The following TNN variants were observed in gnomAD, a reference collection of about 807,000 sequenced individuals.
The protein encoded by TNN is tenascin N, also known as tenascin-N.
Under a neutral mutation model 134.4 loss-of-function variants are expected in TNN, and 122 were observed. That is an observed-to-expected ratio of 0.91 (90% CI 0.78 to 1.06). The LOEUF (loss-of-function observed/expected upper bound fraction) is 1.06. Ranked by LOEUF, TNN falls within the 50% of genes least tolerant of loss-of-function variation. The pLI is 0.00. For synonymous variants in TNN, 710 were observed against 670.3 expected (o/e 1.06, Z -0.91); for missense variants, 1,739 against 1,699.4 (o/e 1.02, Z -0.41).
intron 18 of TNN, among the ~76,000 whole-genome samples, chr1:175,145,878 T>G (rs1676054232): frequency 6.6e-6 from 1 of 152,152 alleles, no homozygotes; most frequent in African/African-American, 2.4e-5. Context: ...CATCTTTGTC[T>G]CTGCTCGTCA....
At chr1:175,144,607 A>G (rs1676021196) in intron 18 of TNN, 57 bp downstream of exon 18, 2 of 1,559,702 alleles carry the variant, frequency 1.3e-6, no homozygotes, top group East Asian at 4.6e-5. Context: ...TCAGCTTCCA[A>G]ATGGACACCC....
intron 7 of TNN, among the ~76,000 whole-genome samples, chr1:175,096,725 CTATCACCATAACCTATGAGGTAGGTAG>C (rs1674580326): frequency 6.6e-6 from 1 of 152,182 alleles, no homozygotes. Flanking sequence ...ATCTCATTTA[CTATCACCATAACCTATGAGGTAGGTAG>C]TGGTATTTCT....
At chr1:175,111,036 G>T (rs1675007159) in intron 9 of TNN, among the ~76,000 whole-genome samples, 1 of 151,958 alleles carries the variant, frequency 6.6e-6, no homozygotes, top group Non-Finnish European at 1.5e-5. Context: ...AAAAAAAAAG[G>T]GCTGGGTGCG....
chr1:175,128,684 G>A lies in TNN; in HGVS notation c.3268G>A (p.Gly1090Ser). The A allele has an allele frequency of 6.2e-7, 1 of 1,614,076 alleles. No homozygotes were observed. The highest frequency in any genetic ancestry group is 1.1e-5 in the South Asian group (1 of 91,074). ...ASGLYTIYLH[G>S]DASRPLQVYC... is the part of the protein sequence containing the mutation. ...TGGTCTGTACACCATCTACCTGCAT[G>A]GCGATGCCAGCCGGCCCCTGCAGGT... Residue 1090 changes from glycine to serine, a missense_variant, in exon 15 of 19, where the codon GGC (glycine) becomes AGC (serine). Gly to Ser is a moderately conservative substitution (Grantham distance 56). Coordinates refer to ENST00000239462, the MANE Select transcript of TNN (RefSeq NM_022093.2).
chr1:175,096,696 T>C (rs1444473254), intron 7 of TNN, among the ~76,000 whole-genome samples: 1 of 152,258 alleles, frequency 6.6e-6, no homozygotes, highest in Non-Finnish European at 1.5e-5. Flanking sequence ...AACTTATATT[T>C]AAGCATTTGC....
At position 175,122,219 on chromosome 1, in the gene TNN, A is replaced by G. The variant is rs568332086; in HGVS notation, c.2651-1181A>G. 4.4e-4 allele frequency among the ~76,000 whole-genome samples: 8 copies of G among 18,324 alleles called. No individual in the cohort carries two copies. The Admixed American group carries it at 4.4e-3, about 10-fold the overall frequency. 12.0% of individuals were successfully genotyped at this position (18,324 alleles called of 152,430 possible). On this transcript the variant is annotated intron_variant, in intron 11 of 18. Transcript: ENST00000239462. ...CAGCCTGGTGAAATCCTGTCTTTAC[A>G]AAAAAAAAAAATACAAAAATTGGCT...
At position 175,128,609 on chromosome 1, in the gene TNN, CCA is replaced by C; in HGVS notation, c.3197_3198del (p.His1066ProfsTer35). The C allele has an allele frequency of 6.2e-7, 1 of 1,611,078 alleles. No individual in the cohort carries two copies. Among genetic ancestry groups the C allele is most frequent in the Non-Finnish European group, 8.5e-7 (1 of 1,178,442 alleles). On this transcript the variant is annotated frameshift_variant, in exon 15 of 19. Transcript: ENST00000239462. LOFTEE classifies it high-confidence loss of function. ...TTLSTVGARF[P>X]HPSDCSQVQQ... ...TTGGCTCCCAGTTGGTGCCCGTTTC[CCA>C]CACCCTTCGGACTGCAGTCAGGTTC...
At chr1:175,111,927 T>G (rs1675038485) in intron 9 of TNN, among the ~76,000 whole-genome samples, 1 of 152,194 alleles carries the variant, frequency 6.6e-6, no homozygotes, top group Non-Finnish European at 1.5e-5. Flanking sequence ...TGAGATCATG[T>G]TATCTGCAAA....
chr1:175,080,410 T>G lies in TNN; in HGVS notation c.1032T>G (p.His344Gln). The change falls in exon 4 of 19, where the codon CAT becomes CAG. Residue 344 changes from histidine (H) to glutamine (Q), a missense_variant. Transcript: ENST00000239462. Reference protein sequence around the residue: ...VKNEVSSSPQHLLATTDLAVL... With the variant: ...VKNEVSSSPQQLLATTDLAVL... ...ATGAAGTTTCTAGCAGCCCACAGCA[T>G]CTACTTGCCACCACAGGTGAGGAAG... 6.2e-7 allele frequency: 1 copy of G among 1,614,066 alleles called. No homozygotes were observed. Among genetic ancestry groups the G allele is most frequent in the Non-Finnish European group, 8.5e-7 (1 of 1,179,962 alleles).
At chr1:175,146,825 G>A in intron 18 of TNN, 106 bp from the exon 19 acceptor site, 1 of 1,128,562 alleles carries the variant, frequency 8.9e-7, no homozygotes, top group East Asian at 2.7e-5. Context: ...AGAGGGAGTG[G>A]TTTCACTGGT....
intron 9 of TNN, among the ~76,000 whole-genome samples, chr1:175,114,011 T>A (rs1376376500): frequency 6.6e-6 from 1 of 152,228 alleles, no homozygotes; most frequent in East Asian, 1.9e-4. Context: ...TTAAGTTTCC[T>A]TAAGATCATT....
chr1:175,144,407 A>G lies in TNN; in HGVS notation c.3616A>G (p.Asn1206Asp), dbSNP rs1336520465. 1.2e-6 allele frequency: 2 copies of G among 1,614,008 alleles called. No homozygotes were observed. The highest frequency in any genetic ancestry group is 1.7e-5 in the Admixed American group (1 of 60,010). Residue 1206 changes from asparagine (N) to aspartate (D), a missense_variant, in exon 18 of 19, where the codon AAT (asparagine) becomes GAT (aspartate). Coordinates refer to ENST00000239462, the MANE Select transcript of TNN (RefSeq NM_022093.2). The stretch of plus-strand genomic sequence containing the variant: ...TGCAGGGGATGCTCTTACTTACCAC[A>G]ATGGATGGAAGTTTACAACTTTTGA... ...GTAGDALTYH[N>D]GWKFTTFDRD... is the part of the protein sequence containing the mutation.
chr1:175,131,775 C>G (rs1169951435), intron 15 of TNN, among the ~76,000 whole-genome samples: 1 of 152,140 alleles, frequency 6.6e-6, no homozygotes, highest in Non-Finnish European at 1.5e-5. Flanking sequence ...ACATCTTAAT[C>G]TAACAGTTTA....
At chr1:175,115,165 C>A (rs1193129594) in intron 9 of TNN, among the ~76,000 whole-genome samples, 1 of 152,104 alleles carries the variant, frequency 6.6e-6, no homozygotes, top group African/African-American at 2.4e-5. Flanking sequence ...GTCAGCACAG[C>A]CCTAGGACGT....
chr1:175,107,588 G>A (rs1321538812), intron 9 of TNN, among the ~76,000 whole-genome samples: 2 of 146,194 alleles, frequency 1.4e-5, no homozygotes, highest in African/African-American at 5.0e-5. Flanking sequence ...GCAGTAGCAA[G>A]ATTTATTGCA....
chr1:175,087,078 A>C (rs141537561), intron 6 of TNN, among the ~76,000 whole-genome samples: 1 of 152,328 alleles, frequency 6.6e-6, no homozygotes, highest in East Asian at 1.9e-4. Flanking sequence ...CCAAGTCTAA[A>C]CCTTTGGGCT....
At chr1:175,133,821 G>A (rs1464040609) in intron 15 of TNN, among the ~76,000 whole-genome samples, 1 of 152,158 alleles carries the variant, frequency 6.6e-6, no homozygotes, top group African/African-American at 2.4e-5. Context: ...TGTTGTGCAG[G>A]TTTGGCAGCC....
chr1:175,144,743 T>C (rs1676023428), intron 18 of TNN, among the ~76,000 whole-genome samples, 193 bp downstream of exon 18: 1 of 152,248 alleles, frequency 6.6e-6, no homozygotes, highest in Non-Finnish European at 1.5e-5. Context: ...CTGCTTGTTT[T>C]GCATTCCCAG....
intron 7 of TNN, 70 bp downstream of exon 7, chr1:175,094,323 G>T (rs1674519686): frequency 7.0e-7 from 1 of 1,430,864 alleles, no homozygotes; most frequent in South Asian, 1.6e-5. Context: ...GAATCAGGAG[G>T]TCATTGCTCA....
Sources: allele counts gnomAD v4.1 joint callset (sites outside exome capture counted in the v4.1 genomes callset), GRCh38; gene constraint gnomAD v4.1.1; transcripts MANE v1.5; gene names NCBI Gene and HGNC (gene_info 2026-07-23, HGNC 2026-07-21).